The following MAF variants were observed in gnomAD, a reference collection of about 807,000 sequenced individuals.
The protein encoded by MAF is transcription factor Maf.
Under a neutral mutation model 22.0 loss-of-function variants are expected in MAF, and 10 were observed. The observed-to-expected ratio is 0.45, with a 90% CI of 0.28 to 0.77. MAF has a LOEUF of 0.77. MAF is among the 30% of genes least tolerant of loss of function. MAF has a pLI of 0.12. For missense variants in MAF, 544 were observed against 548.4 expected, an observed-to-expected ratio of 0.99 and a Z score of 0.08; for synonymous variants, 337 against 255.8, an observed-to-expected ratio of 1.32 and a Z score of -3.03.
At chr16:79,279,225 A>C in the MAF span, among the ~76,000 whole-genome samples, 176 of 152,114 alleles carry the variant, frequency 1.2e-3, no homozygotes, top group Non-Finnish European at 2.1e-3. Context: ...TCTCACCCCG[A>C]TCCATGCATG....
chr16:79,567,597 A>C, the MAF span, among the ~76,000 whole-genome samples: 1 of 152,200 alleles, frequency 6.6e-6, no homozygotes, highest in East Asian at 1.9e-4. Flanking sequence ...GGTCAAATTT[A>C]ATGAGAATTA....
the MAF span, among the ~76,000 whole-genome samples, chr16:79,377,787 C>A: frequency 6.6e-6 from 1 of 152,142 alleles, no homozygotes; most frequent in Admixed American, 6.5e-5. Context: ...AATAGGGAAT[C>A]CTTTCCCCAT....
chr16:79,411,176 G>A, the MAF span, among the ~76,000 whole-genome samples: 25 of 152,122 alleles, frequency 1.6e-4, no homozygotes, highest in Middle Eastern at 6.8e-3. Flanking sequence ...GATTTTGTTC[G>A]CCTTGCAGTT....
At chr16:79,208,007 C>A in the MAF span, among the ~76,000 whole-genome samples, 6 of 152,196 alleles carry the variant, frequency 3.9e-5, no homozygotes, top group African/African-American at 1.2e-4. Context: ...TATAAATAAA[C>A]AGCAACTGCT....
the MAF span, among the ~76,000 whole-genome samples, chr16:79,564,819 G>T: frequency 6.6e-6 from 1 of 152,198 alleles, no homozygotes; most frequent in African/African-American, 2.4e-5. Flanking sequence ...CATTGACAGA[G>T]GGATGGACGC....
intron 1 of MAF, chr16:79,598,540 TTAA>T: frequency 7.1e-7 from 1 of 1,412,476 alleles, no homozygotes; most frequent in South Asian, 1.4e-5. Context: ...CCTCCCCAGT[TTAA>T]AACAGCCACC....
chr16:79,528,003 C>T, the MAF span, among the ~76,000 whole-genome samples: 2 of 152,006 alleles, frequency 1.3e-5, no homozygotes, highest in Admixed American at 6.6e-5. Flanking sequence ...ATTAGCCGGG[C>T]GTGTTGGTGC....
the MAF span, among the ~76,000 whole-genome samples, chr16:79,358,438 G>A: frequency 6.6e-5 from 10 of 152,014 alleles, no homozygotes; most frequent in Non-Finnish European, 1.2e-4. Context: ...TTTTGATGAC[G>A]TTCATTTGGG....
chr16:79,351,027 A>G, the MAF span, among the ~76,000 whole-genome samples: 10 of 152,002 alleles, frequency 6.6e-5, no homozygotes, highest in Non-Finnish European at 1.0e-4. Flanking sequence ...CTACAGACAC[A>G]CTGGCCACTT....
chr16:79,515,879 T>G, the MAF span: 3 of 151,632 alleles, frequency 2.0e-5, no homozygotes, highest in Non-Finnish European at 4.4e-5. Context: ...TCATATGGAG[T>G]CTGAGTGACA....
At chr16:79,225,702 T>G in the MAF span, among the ~76,000 whole-genome samples, 3 of 151,872 alleles carry the variant, frequency 2.0e-5, no homozygotes, top group African/African-American at 7.3e-5. Context: ...CACAACCCCA[T>G]CAAAAAGTGG....
chr16:79,562,467 T>C, the MAF span, among the ~76,000 whole-genome samples: 2 of 152,064 alleles, frequency 1.3e-5, no homozygotes, highest in Admixed American at 1.3e-4. Flanking sequence ...GATATAGTTA[T>C]TACCCTTGGG....
At chr16:79,497,572 T>A in the MAF span, among the ~76,000 whole-genome samples, 1 of 152,326 alleles carries the variant, frequency 6.6e-6, no homozygotes, top group South Asian at 2.1e-4. Context: ...GATGCCTTTA[T>A]CTAATTCACC....
the MAF span, among the ~76,000 whole-genome samples, chr16:79,359,995 G>A: frequency 7.9e-5 from 12 of 152,282 alleles, no homozygotes; most frequent in South Asian, 2.1e-4. Context: ...ATTGTTCTGA[G>A]TAGGACCAGA....
chr16:79,587,814 C>G (rs1190652073), intron 1 of MAF, among the ~76,000 whole-genome samples: 2 of 148,024 alleles, frequency 1.4e-5, no homozygotes, highest in African/African-American at 5.0e-5. Context: ...AAGATGACCT[C>G]TACTCTCTGG....
the MAF span, among the ~76,000 whole-genome samples, chr16:79,269,951 G>A: frequency 6.6e-6 from 1 of 152,154 alleles, no homozygotes; most frequent in Admixed American, 6.5e-5. Flanking sequence ...AGACGAACCT[G>A]GTCCATTCAT....
chr16:79,311,514 AAC>A, the MAF span, among the ~76,000 whole-genome samples: 74 of 149,666 alleles, frequency 4.9e-4, no homozygotes, highest in Middle Eastern at 3.4e-3. Context: ...AAAAAAAAAA[AAC>A]ATTATGTCTG....
the MAF span, among the ~76,000 whole-genome samples, chr16:79,463,104 G>A: frequency 6.6e-6 from 1 of 152,200 alleles, no homozygotes; most frequent in African/African-American, 2.4e-5. Flanking sequence ...AGCCGAGGCA[G>A]AAGGAAAAGC....
At chr16:79,229,779 C>T in the MAF span, among the ~76,000 whole-genome samples, 1 of 151,982 alleles carries the variant, frequency 6.6e-6, no homozygotes, top group African/African-American at 2.4e-5. Context: ...CTCTTCACTT[C>T]GAAGTGAAAG....
Sources: allele counts gnomAD v4.1 joint callset (sites outside exome capture counted in the v4.1 genomes callset), GRCh38; gene constraint gnomAD v4.1.1; transcripts MANE v1.5; gene names NCBI Gene and HGNC (gene_info 2026-07-23, HGNC 2026-07-21).